CFAP92: variants seen among roughly 807,000 people sequenced by gnomAD.
CFAP92 encodes cilia and flagella associated protein 92 (putative), also known as uncharacterized protein CFAP92.
A neutral mutation model predicts 106.3 loss-of-function variants in CFAP92; 86 were observed. That is an observed-to-expected ratio of 0.81 (90% CI 0.68 to 0.97). The LOEUF (loss-of-function observed/expected upper bound fraction) is 0.97, where lower values mean the gene tolerates loss of function less well. Among genes scored for constraint, CFAP92 ranks in the 50% least tolerant of loss-of-function variants. CFAP92 has a pLI of 0.00. For synonymous variants in CFAP92, 477 were observed against 506.4 expected (o/e 0.94, Z 0.78); for missense variants, 1,204 against 1,283.8 (o/e 0.94, Z 0.95).
At chr3:128,984,725 C>A (rs1943744719) in intron 4 of CFAP92, among the ~76,000 whole-genome samples, 1 of 152,166 alleles carries the variant, frequency 6.6e-6, no homozygotes, top group Non-Finnish European at 1.5e-5. Flanking sequence ...TAGCCCTTCC[C>A]TCTAGAGAAC....
At chr3:129,023,104 T>C in the CFAP92 span, among the ~76,000 whole-genome samples, 1 of 152,200 alleles carries the variant, frequency 6.6e-6, no homozygotes, top group Non-Finnish European at 1.5e-5. Context: ...ACTTTAGACA[T>C]ATTAAATTTA....
chr3:129,013,454 T>G, the CFAP92 span, among the ~76,000 whole-genome samples: 3 of 152,216 alleles, frequency 2.0e-5, no homozygotes, highest in Admixed American at 2.0e-4. Flanking sequence ...TCATGCTACC[T>G]GGAATCTCTT....
chr3:128,967,828 TCA>T (rs1369051029), intron 8 of CFAP92: 5 of 152,306 alleles, frequency 3.3e-5, no homozygotes, highest in African/African-American at 1.2e-4. Flanking sequence ...GGCTGCGGGC[TCA>T]CAGCCTCCAC....
At chr3:128,992,962 G>T in intron 2 of CFAP92, 81 bp downstream of exon 2, 1 of 1,506,668 alleles carries the variant, frequency 6.6e-7, no homozygotes, top group African/African-American at 1.4e-5. Flanking sequence ...GAGGATGTGG[G>T]GTGTATGCGC....
chr3:128,928,683 A>G (rs1384683620), intron 12 of CFAP92, among the ~76,000 whole-genome samples: 2 of 152,236 alleles, frequency 1.3e-5, no homozygotes, highest in African/African-American at 2.4e-5. Flanking sequence ...GTGAGAGCTA[A>G]GAGTAAGTGT....
In CFAP92 at chr3:128,987,835, TA is replaced by T; in HGVS notation, c.454-7del. On this transcript the variant is annotated splice_polypyrimidine_tract_variant and splice_region_variant and intron_variant, in intron 3 of 15. Transcript: ENST00000645291. ...TCGTGCCACGGCTTCACAGTCTGTG[TA>T]AAACAACATTCAGAGATGTCAACTG... 1 of 1,595,020 alleles carries T rather than the reference TA, an allele frequency of 6.3e-7. No individual in the cohort carries two copies. Among genetic ancestry groups the T allele is most frequent in the South Asian group, 1.1e-5 (1 of 88,866 alleles).
At chr3:129,009,082 T>C in the CFAP92 span, among the ~76,000 whole-genome samples, 6 of 152,132 alleles carry the variant, frequency 3.9e-5, no homozygotes, top group Non-Finnish European at 4.4e-5. Context: ...TCACCATTCA[T>C]AAAATGTCAT....
At chr3:128,933,023 T>G (rs1053529830) in intron 11 of CFAP92, 26 bp from the exon 12 acceptor site, 12 of 1,533,948 alleles carry the variant, frequency 7.8e-6, no homozygotes, top group Admixed American at 5.9e-5. Flanking sequence ...ACTGCCCCAC[T>G]GAACCTCTCC....
upstream of CFAP92, among the ~76,000 whole-genome samples, chr3:129,007,478 CCT>C (rs1412369114): frequency 6.6e-5 from 10 of 152,184 alleles, no homozygotes; most frequent in African/African-American, 2.4e-4. Flanking sequence ...CTGAACTCCC[CCT>C]GAGAATGACA....
Position 128,910,219 on chromosome 3 carries a change from A to ATTGT in CFAP92, c.*76_*79dup. On this transcript the variant is annotated 3_prime_UTR_variant, in exon 16 of 16. Transcript: ENST00000645291. ...GTCCTGCTGCACTTTAATGAAGTTG[A>ATTGT]TTGTTGAGGAGGGTGTGGTCGGGTG... is the stretch of plus-strand genomic sequence containing the variant. 1 of 1,608,920 alleles carries ATTGT rather than the reference A, an allele frequency of 6.2e-7. No individual in the cohort carries two copies.
At position 128,945,908 on chromosome 3, in the gene CFAP92, T is replaced by TC. The variant is rs1251800575; in HGVS notation, c.1420dup (p.Glu474GlyfsTer24). The TC allele has an allele frequency of 2.1e-6, 3 of 1,457,808 alleles. No homozygotes were observed. The highest frequency in any genetic ancestry group is 2.7e-6 in the Non-Finnish European group (3 of 1,113,268). The allele number at this position is 1,457,808 out of a possible 1,614,324, so 90.3% of individuals were successfully genotyped here. A position where few individuals can be genotyped will look rare whatever the true frequency, so the allele number is the denominator to read the frequency against. The stretch of plus-strand genomic sequence containing the variant: ...GAAATAAACGTGGGTTCCATGGGGC[T>TC]CCCCCTTGGTCTTGTGAACTGGAGT... On this transcript the variant is annotated frameshift_variant, in exon 10 of 16. Transcript: ENST00000645291. LOFTEE classifies it high-confidence loss of function.
intron 4 of CFAP92, among the ~76,000 whole-genome samples, chr3:128,982,385 G>A (rs1306818085): frequency 6.6e-6 from 1 of 152,216 alleles, no homozygotes; most frequent in Admixed American, 6.5e-5. Context: ...TCATGGAACT[G>A]AAGAAAGTTA....
chr3:129,000,200 G>A (rs946425604), intron 1 of CFAP92, among the ~76,000 whole-genome samples: 1 of 152,178 alleles, frequency 6.6e-6, no homozygotes, highest in African/African-American at 2.4e-5. Flanking sequence ...AGAAGTGGAC[G>A]TGATGTAAAA....
At chr3:128,944,440 C>T (rs1051866261) in intron 10 of CFAP92, among the ~76,000 whole-genome samples, 3 of 152,142 alleles carry the variant, frequency 2.0e-5, no homozygotes, top group Non-Finnish European at 4.4e-5. Flanking sequence ...CCGGGACTCC[C>T]CACTGCATCC....
At chr3:128,948,375 TCC>T (rs1940448554) in intron 9 of CFAP92, among the ~76,000 whole-genome samples, 1 of 122,018 alleles carries the variant, frequency 8.2e-6, no homozygotes, top group African/African-American at 3.3e-5. Context: ...TTCTTTTCTT[TCC>T]TTTTTTTTTT....
intron 7 of CFAP92, among the ~76,000 whole-genome samples, chr3:128,974,776 G>T (rs1357165555): frequency 6.6e-6 from 1 of 151,862 alleles, no homozygotes; most frequent in Non-Finnish European, 1.5e-5. Context: ...AGCCAAGATT[G>T]CGCCATTGCA....
In CFAP92 at chr3:128,943,812, C is replaced by T. The variant is rs1177524315; in HGVS notation, c.2258+1259G>A. On this transcript the variant is annotated intron_variant, in intron 10 of 15. Coordinates refer to ENST00000645291, the MANE Select transcript of CFAP92 (RefSeq NM_001394090.1). ...TCAGCCTCCCAAAGTGCTGGGATAA[C>T]AGGTGTGAGCCACCGTGCCTGGCTT... 2.0e-5 allele frequency among the ~76,000 whole-genome samples: 3 copies of T among 152,004 alleles called. No homozygotes were observed. The East Asian group carries it at 5.8e-4, about 29-fold the overall frequency.
rs116103421 is a variant in CFAP92 at position 128,933,129 on chromosome 3, A to G, written c.2454-132T>C. 74 of 798,954 alleles carry G rather than the reference A, an allele frequency of 9.3e-5. No individual in the cohort carries two copies. In the African/African-American group the frequency reaches 1.2e-3, roughly 13 times the overall value. 49.5% of individuals were successfully genotyped at this position (798,954 alleles called of 1,614,324 possible). ...GTCCCAAGTCCTGGAGCTTGTGACT[A>G]AAGAGCTCCAATTCCAGTCTGCTGA... On this transcript the variant is annotated intron_variant, in intron 11 of 15. Transcript: ENST00000645291.
rs369570102 is a variant in CFAP92 at position 128,957,806 on chromosome 3, C to G, written c.1353+7705G>C. On this transcript the variant is annotated intron_variant, in intron 9 of 15. Coordinates refer to ENST00000645291, the MANE Select transcript of CFAP92 (RefSeq NM_001394090.1). ...GGATGTTTTCATTTATATAACCACA[C>G]CAGTTTCCTACGAAGCGCCATAAAC... Among the ~76,000 whole-genome samples, 21 of 147,964 alleles carry G rather than the reference C, an allele frequency of 1.4e-4. 1 individual carries two copies. The highest frequency in any genetic ancestry group is 4.8e-4 in the Admixed American group (7 of 14,726).
Sources: gnomAD v4.1 joint callset for allele counts (sites outside exome capture counted in the v4.1 genomes callset) on GRCh38, gnomAD v4.1.1 for gene constraint, MANE v1.5 for transcripts, NCBI Gene and HGNC (gene_info 2026-07-23, HGNC 2026-07-21) for gene names.